Variants in PRKCH observed in about 807,000 individuals in gnomAD.
The protein encoded by PRKCH is protein kinase C eta type.
A neutral mutation model predicts 82.5 loss-of-function variants in PRKCH; 28 were observed. The observed-to-expected ratio is 0.34, with a 90% CI of 0.25 to 0.47. PRKCH has a LOEUF of 0.47. PRKCH is among the 20% of genes least tolerant of loss of function. The pLI, the probability that PRKCH is intolerant of heterozygous loss-of-function variation, is 1.00. For synonymous variants in PRKCH, 322 were observed against 327.4 expected, an observed-to-expected ratio of 0.98 and a Z score of 0.18; for missense variants, 705 against 881.8, an observed-to-expected ratio of 0.80 and a Z score of 2.54.
intron 1 of PRKCH, among the ~76,000 whole-genome samples, chr14:61,218,168 C>CA (rs1485371419): frequency 1.3e-5 from 2 of 152,004 alleles, no homozygotes; most frequent in East Asian, 1.9e-4. Flanking sequence ...GGGTTCTCTC[C>CA]AAAAAAAGCA....
chr14:61,322,215 C>A lies in PRKCH; in HGVS notation c.114C>A (p.His38Gln). The change falls in exon 1 of 14, where the codon CAC (histidine) becomes CAA (glutamine). Residue 38 changes from histidine (H) to glutamine (Q), a missense_variant. Physicochemically the swap from His to Gln is conservative, Grantham distance 24 (BLOSUM62 0). This residue lies in a region of PRKCH where 246 missense variants were observed against 308.0 expected (regional missense o/e 0.80). Coordinates refer to ENST00000332981, the MANE Select transcript of PRKCH (RefSeq NM_006255.5). ...GCCACTCGCTCTTCAAGAAGGGCCACCAGCTGCTGGACCCCTATCTGACGG... is the reference window on the plus strand; with the variant it reads ...GCCACTCGCTCTTCAAGAAGGGCCAACAGCTGCTGGACCCCTATCTGACGG... ...SLRHSLFKKG[H>Q]QLLDPYLTVS... is the part of the protein sequence containing the mutation. 1 of 1,613,330 alleles carries A rather than the reference C, an allele frequency of 6.2e-7. No individual in the cohort carries two copies. Among genetic ancestry groups the A allele is most frequent in the African/African-American group, 1.3e-5 (1 of 74,928 alleles).
chr14:61,264,072 G>C (rs778714025), intron 1 of PRKCH, among the ~76,000 whole-genome samples: 1 of 152,032 alleles, frequency 6.6e-6, no homozygotes, highest in Non-Finnish European at 1.5e-5. Context: ...CGCCCTCTCA[G>C]GATGCCATTA....
chr14:61,475,249 A>C (rs1006619087), intron 9 of PRKCH, among the ~76,000 whole-genome samples: 2 of 152,258 alleles, frequency 1.3e-5, no homozygotes, highest in African/African-American at 2.4e-5. Context: ...GAATTTCACT[A>C]TGTGAAATAA....
intron 1 of PRKCH, among the ~76,000 whole-genome samples, chr14:61,296,743 C>T (rs2045409231): frequency 1.3e-5 from 2 of 152,084 alleles, no homozygotes; most frequent in Admixed American, 1.3e-4. Flanking sequence ...ATTATTTCAT[C>T]CAAGGTATTT....
intron 2 of PRKCH, among the ~76,000 whole-genome samples, chr14:61,414,366 A>G (rs888335899): frequency 1.4e-5 from 2 of 148,052 alleles, no homozygotes; most frequent in African/African-American, 5.0e-5. Flanking sequence ...TCCGCCTCCC[A>G]GGTTCAAGCT....
At chr14:61,495,952 T>G (rs1299399111) in intron 10 of PRKCH, among the ~76,000 whole-genome samples, 3 of 152,226 alleles carry the variant, frequency 2.0e-5, no homozygotes, top group African/African-American at 7.2e-5. Context: ...TAAAAGCTTC[T>G]CTGATAAGGG....
chr14:61,418,606 C>A (rs994179188), intron 2 of PRKCH, among the ~76,000 whole-genome samples: 1 of 152,152 alleles, frequency 6.6e-6, no homozygotes, highest in Non-Finnish European at 1.5e-5. Context: ...TAGCAGGAGG[C>A]CTTTGTGATA....
intron 10 of PRKCH, among the ~76,000 whole-genome samples, chr14:61,499,767 TTA>T (rs5809099): frequency 0.83 from 125,591 of 151,582 alleles, 52,418 homozygotes; most frequent in Middle Eastern, 0.9. Context: ...AAAGAGGAAC[TTA>T]TACTTCCTCC....
intron 1 of PRKCH, among the ~76,000 whole-genome samples, chr14:61,250,843 ACT>A (rs368191399): frequency 5.1e-4 from 78 of 152,032 alleles, no homozygotes; most frequent in African/African-American, 1.7e-3. Flanking sequence ...GTAGATGGGA[ACT>A]CTCTATATTT....
chr14:61,392,749 A>ATTCAG (rs2046703643), intron 2 of PRKCH, among the ~76,000 whole-genome samples: 1 of 151,990 alleles, frequency 6.6e-6, no homozygotes, highest in South Asian at 2.1e-4. Context: ...ATGAAGTTCA[A>ATTCAG]TTTGTTAATC....
chr14:61,523,690 GA>G (rs1445282813), intron 10 of PRKCH, among the ~76,000 whole-genome samples: 2 of 152,170 alleles, frequency 1.3e-5, no homozygotes, highest in Non-Finnish European at 2.9e-5. Context: ...TTTCTAGACA[GA>G]CCCACAGACT....
intron 9 of PRKCH, chr14:61,463,286 A>G (rs1482450894): frequency 6.6e-6 from 1 of 152,324 alleles, no homozygotes; most frequent in East Asian, 1.9e-4. Context: ...TCCTCACACC[A>G]AAGGAAAAAT....
intron 1 of PRKCH, among the ~76,000 whole-genome samples, chr14:61,369,498 A>G (rs2046339441): frequency 6.6e-6 from 1 of 152,114 alleles, no homozygotes; most frequent in African/African-American, 2.4e-5. Context: ...TCAAATTTGT[A>G]GCTCAACTTT....
At chr14:61,316,751 A>T (rs1005002487), upstream of PRKCH, among the ~76,000 whole-genome samples, 10 of 152,222 alleles carry the variant, frequency 6.6e-5, no homozygotes, top group African/African-American at 2.4e-4. Flanking sequence ...GCTGGAGACA[A>T]TTAGAGTTTT....
chr14:61,372,955 G>C (rs924031528), intron 1 of PRKCH, among the ~76,000 whole-genome samples: 8 of 152,006 alleles, frequency 5.3e-5, no homozygotes, highest in African/African-American at 1.9e-4. Context: ...TAACAGTCCT[G>C]CTGAGAGAGT....
At chr14:61,373,846 GC>G (rs1434846953) in intron 1 of PRKCH, among the ~76,000 whole-genome samples, 1 of 152,024 alleles carries the variant, frequency 6.6e-6, no homozygotes, top group Admixed American at 6.5e-5. Flanking sequence ...CAAGTGATCT[GC>G]CTGCCTTGGC....
chr14:61,253,794 T>C (rs1346244330), intron 1 of PRKCH, among the ~76,000 whole-genome samples: 2 of 152,188 alleles, frequency 1.3e-5, no homozygotes, highest in East Asian at 3.9e-4. Context: ...ATTGGATTGG[T>C]TGTAGTGTCC....
intron 1 of PRKCH, among the ~76,000 whole-genome samples, chr14:61,243,383 C>CAAAAAAAAAAAAAA (rs10555022): frequency 1.9e-5 from 2 of 103,404 alleles, no homozygotes; most frequent in Non-Finnish European, 4.0e-5. Context: ...GACTCTGTCT[C>CAAAAAAAAAAAAAA]AAAAAAAAAA....
chr14:61,194,187 G>A (rs2044426319), intron 1 of PRKCH, among the ~76,000 whole-genome samples: 1 of 152,108 alleles, frequency 6.6e-6, no homozygotes, highest in Admixed American at 6.6e-5. Context: ...TTATAAATAT[G>A]CATCCTTGAT....
Sources: gnomAD v4.1 joint callset for allele counts (sites outside exome capture counted in the v4.1 genomes callset) on GRCh38, gnomAD v4.1.1 for gene constraint, gnomAD v4.1.1 regional missense constraint, MANE v1.5 for transcripts, NCBI Gene and HGNC (gene_info 2026-07-23, HGNC 2026-07-21) for gene names.